Variants in AFF3 observed in about 807,000 individuals in gnomAD.
The protein encoded by AFF3 is ALF transcription elongation factor 3.
In AFF3, 32 loss-of-function variants were observed where a neutral mutation model predicts 129.7. The observed-to-expected ratio is 0.25, with a 90% CI of 0.19 to 0.33. The LOEUF (loss-of-function observed/expected upper bound fraction) is 0.33, where lower values mean the gene tolerates loss of function less well. AFF3 is among the 10% of genes least tolerant of loss of function. AFF3 has a pLI of 1.00. For missense variants in AFF3, 1,373 were observed against 1,592.0 expected (o/e 0.86, Z 2.34); for synonymous variants, 644 against 635.4 (o/e 1.01, Z -0.20).
At chr2:100,027,904 TTAAC>T (rs1684176503) in intron 4 of AFF3, among the ~76,000 whole-genome samples, 1 of 152,218 alleles carries the variant, frequency 6.6e-6, no homozygotes, top group African/African-American at 2.4e-5. Flanking sequence ...TTAAAGGTTG[TTAAC>T]TAATAGTATC....
At chr2:99,813,296 A>T (rs1329008154) in intron 8 of AFF3, among the ~76,000 whole-genome samples, 1 of 152,240 alleles carries the variant, frequency 6.6e-6, no homozygotes. Flanking sequence ...TTCTCATTCT[A>T]AACAAAAATG....
intron 8 of AFF3, among the ~76,000 whole-genome samples, chr2:99,828,401 G>T (rs1429615811): frequency 6.6e-6 from 1 of 152,162 alleles, no homozygotes; most frequent in African/African-American, 2.4e-5. Flanking sequence ...TGCCTGGAGG[G>T]GTCCGCGATC....
chr2:100,115,220 G>C (rs1174386802), intron 2 of AFF3, among the ~76,000 whole-genome samples: 1 of 152,108 alleles, frequency 6.6e-6, no homozygotes, highest in African/African-American at 2.4e-5. Context: ...CCCACCTATA[G>C]CTAATTTTGT....
intron 2 of AFF3, among the ~76,000 whole-genome samples, chr2:100,108,527 C>T (rs550736110): frequency 6.6e-6 from 1 of 152,238 alleles, no homozygotes; most frequent in Non-Finnish European, 1.5e-5. Context: ...GCCCCTCCCC[C>T]CAGCCTGTCC....
At chr2:99,990,101 C>G (rs1351516182) in intron 7 of AFF3, among the ~76,000 whole-genome samples, 1 of 152,084 alleles carries the variant, frequency 6.6e-6, no homozygotes, top group African/African-American at 2.4e-5. Flanking sequence ...TTATCAAGGG[C>G]CTTACATGAG....
intron 13 of AFF3, chr2:99,630,655 C>T (rs145252931): frequency 1.9e-3 from 293 of 155,336 alleles, no homozygotes; most frequent in African/African-American, 6.2e-3. Context: ...ACAATCATGG[C>T]GGAAGGTGAA....
chr2:99,757,322 G>A (rs2309690), intron 8 of AFF3, among the ~76,000 whole-genome samples: 114,185 of 152,098 alleles, frequency 0.75, 43,700 homozygotes, highest in East Asian at 0.92. Context: ...AAACTTACAC[G>A]CCACACAAAC....
At chr2:100,069,886 T>C (rs970563891) in intron 4 of AFF3, among the ~76,000 whole-genome samples, 1 of 152,206 alleles carries the variant, frequency 6.6e-6, no homozygotes, top group Non-Finnish European at 1.5e-5. Context: ...TTAAAATTCA[T>C]ACATATCTCC....
At chr2:99,814,612 A>G (rs891911836) in intron 8 of AFF3, among the ~76,000 whole-genome samples, 1 of 152,166 alleles carries the variant, frequency 6.6e-6, no homozygotes, top group Non-Finnish European at 1.5e-5. Context: ...AGGAATAGCC[A>G]AGTAAGATTG....
intron 13 of AFF3, among the ~76,000 whole-genome samples, chr2:99,618,080 C>A (rs1157502113): frequency 1.3e-5 from 2 of 152,136 alleles, no homozygotes; most frequent in East Asian, 3.9e-4. Context: ...CGTTTTACTG[C>A]CTCTGCTCGC....
chr2:99,721,708 G>T (rs139272979), intron 11 of AFF3, among the ~76,000 whole-genome samples: 85 of 152,236 alleles, frequency 5.6e-4, no homozygotes, highest in African/African-American at 2.0e-3. Context: ...CTGTCTTAAA[G>T]ATTTTCTTTT....
intron 14 of AFF3, 65 bp downstream of exon 14, chr2:99,601,370 C>G: frequency 6.9e-7 from 1 of 1,458,468 alleles, no homozygotes; most frequent in Non-Finnish European, 9.1e-7. Flanking sequence ...TGACAATGCC[C>G]GGACTTGCTA....
intron 17 of AFF3, among the ~76,000 whole-genome samples, chr2:99,582,399 G>A (rs1166995215): frequency 5.9e-5 from 9 of 152,178 alleles, no homozygotes; most frequent in Non-Finnish European, 1.0e-4. Flanking sequence ...TAAGGGCAGA[G>A]TGGGGGCCCT....
chr2:100,005,322 T>G (rs1162101803), intron 7 of AFF3, among the ~76,000 whole-genome samples: 1 of 152,232 alleles, frequency 6.6e-6, no homozygotes, highest in Non-Finnish European at 1.5e-5. Context: ...CTAATAAATC[T>G]GAAGTTTCTT....
chr2:99,797,856 G>A (rs1685659278), intron 8 of AFF3, among the ~76,000 whole-genome samples: 1 of 152,046 alleles, frequency 6.6e-6, no homozygotes, highest in Non-Finnish European at 1.5e-5. Context: ...TTTCAGATAT[G>A]CAACAGCTGG....
At chr2:100,053,661 T>C (rs888492848) in intron 4 of AFF3, among the ~76,000 whole-genome samples, 7 of 152,184 alleles carry the variant, frequency 4.6e-5, no homozygotes, top group Non-Finnish European at 1.0e-4. Context: ...AATCATCTGC[T>C]GATTCAAGAA....
At chr2:99,570,408 C>T (rs144166104) in intron 18 of AFF3, among the ~76,000 whole-genome samples, 232 of 152,282 alleles carry the variant, frequency 1.5e-3, no homozygotes, top group Non-Finnish European at 2.6e-3. Flanking sequence ...TACAATCACC[C>T]ATACTGCAGC....
At chr2:99,828,658 G>A (rs1451802017) in intron 8 of AFF3, among the ~76,000 whole-genome samples, 1 of 152,238 alleles carries the variant, frequency 6.6e-6, no homozygotes, top group Non-Finnish European at 1.5e-5. Flanking sequence ...AGTGCCCTTA[G>A]GGAATTTGAT....
chr2:99,779,457 C>T (rs1362164559), intron 8 of AFF3, among the ~76,000 whole-genome samples: 1 of 152,068 alleles, frequency 6.6e-6, no homozygotes, highest in Non-Finnish European at 1.5e-5. Context: ...TCACATTTTT[C>T]AGGGAATTTT....
Sources: gnomAD v4.1 joint callset for allele counts (sites outside exome capture counted in the v4.1 genomes callset) on GRCh38, gnomAD v4.1.1 for gene constraint, MANE v1.5 for transcripts, NCBI Gene and HGNC (gene_info 2026-07-23, HGNC 2026-07-21) for gene names.